TRAPPC8: variants seen among roughly 807,000 people sequenced by gnomAD.
The protein encoded by TRAPPC8 is trafficking protein particle complex subunit 8.
A neutral mutation model predicts 174.3 loss-of-function variants in TRAPPC8; 54 were observed. The ratio of observed to expected loss-of-function variants is 0.31; its 90% CI spans 0.25 to 0.39. TRAPPC8 has a LOEUF of 0.39. Ranked by LOEUF, TRAPPC8 falls within the 10% of genes least tolerant of loss-of-function variation. The pLI is 1.00. For synonymous variants in TRAPPC8, 630 were observed against 579.9 expected, an observed-to-expected ratio of 1.09 and a Z score of -1.24; for missense variants, 1,531 against 1,699.1, an observed-to-expected ratio of 0.90 and a Z score of 1.74.
intron 9 of TRAPPC8, among the ~76,000 whole-genome samples, chr18:31,906,264 G>A (rs1274326163): frequency 1.3e-5 from 2 of 149,484 alleles, no homozygotes; most frequent in African/African-American, 2.5e-5. Flanking sequence ...TCTTGAACCC[G>A]GGAGGTGGAG....
At chr18:31,898,702 T>G (rs557817836) in intron 10 of TRAPPC8, among the ~76,000 whole-genome samples, 115 of 152,370 alleles carry the variant, frequency 7.5e-4, no homozygotes, top group Non-Finnish European at 1.4e-3. Flanking sequence ...TTAGTTTTTT[T>G]TGTAAAAACA....
chr18:31,932,904 T>C (rs2037909301), intron 1 of TRAPPC8, among the ~76,000 whole-genome samples: 2 of 145,384 alleles, frequency 1.4e-5, no homozygotes, highest in Non-Finnish European at 3.0e-5. Context: ...ATCACTTGAA[T>C]GCGGAGGCTG....
At chr18:31,901,138 A>G (rs1383221548) in intron 9 of TRAPPC8, 113 bp from the exon 10 acceptor site, 1 of 816,112 alleles carries the variant, frequency 1.2e-6, no homozygotes, top group Admixed American at 3.3e-5. Flanking sequence ...CTGGATACAC[A>G]TGTATAAACT....
intron 2 of TRAPPC8, among the ~76,000 whole-genome samples, chr18:31,919,512 AAT>A (rs1362574408): frequency 9.9e-5 from 14 of 141,026 alleles, no homozygotes; most frequent in Non-Finnish European, 1.9e-4. Context: ...CAGCCTGGGC[AAT>A]AGAGTGAGAC....
chr18:31,831,513 T>C (rs576302254), intron 28 of TRAPPC8, among the ~76,000 whole-genome samples: 5 of 152,366 alleles, frequency 3.3e-5, no homozygotes, highest in Admixed American at 2.0e-4. Flanking sequence ...GATTATTTCA[T>C]TTAATGCCCT....
intron 9 of TRAPPC8, among the ~76,000 whole-genome samples, chr18:31,907,089 C>G (rs887239237): frequency 6.6e-6 from 1 of 152,126 alleles, no homozygotes; most frequent in African/African-American, 2.4e-5. Context: ...GAAAGAAACC[C>G]TAATACATGA....
intron 27 of TRAPPC8, among the ~76,000 whole-genome samples, chr18:31,834,089 GT>G (rs1555652338): frequency 1.3e-4 from 7 of 55,518 alleles, no homozygotes; most frequent in South Asian, 2.8e-3. Context: ...TCACATTTTG[GT>G]TGTTGTTGTT....
At chr18:31,901,789 T>C (rs988373449) in intron 9 of TRAPPC8, among the ~76,000 whole-genome samples, 5 of 152,210 alleles carry the variant, frequency 3.3e-5, no homozygotes, top group Non-Finnish European at 7.3e-5. Context: ...GAGCAGACAT[T>C]TGGATTTGTC....
rs139239174 is a variant in TRAPPC8 at position 31,830,938 on chromosome 18, C to T, written c.4125G>A (p.Gln1375=). ...CCTGGCTTTTAAGTTGAAGTTTATA[C>T]TGTGTTTGTCCAAGCCATGTGAATG... The part of the protein sequence containing the change: ...HGSFTWLGQT[Q]YKLQLKSQEI... Residue 1375 remains glutamine, a synonymous_variant, in exon 29 of 29, where the codon CAG becomes CAA. Transcript: ENST00000283351. The T allele has an allele frequency of 2.5e-6, 4 of 1,614,174 alleles. No individual in the cohort carries two copies. The highest frequency in any genetic ancestry group is 3.4e-6 in the Non-Finnish European group (4 of 1,180,038).
At chr18:31,877,413 C>T (rs993868344) in intron 12 of TRAPPC8, among the ~76,000 whole-genome samples, 2 of 150,410 alleles carry the variant, frequency 1.3e-5, no homozygotes, top group Non-Finnish European at 3.0e-5. Context: ...GAGATCGAGA[C>T]CATCCTGGCT....
In TRAPPC8 at chr18:31,925,971, C is replaced by T. The variant is rs533986867; in HGVS notation, c.352+5358G>A. On this transcript the variant is annotated intron_variant, in intron 2 of 28. Transcript: ENST00000283351. ...GGAAGCTACTAGAGATGTCCTTCAC[C>T]ATACTAAGGAAATACACACAAAATA... Among the ~76,000 whole-genome samples the T allele has an allele frequency of 4.6e-5, 7 of 152,216 alleles. No homozygotes were observed. The East Asian group carries it at 9.7e-4, about 21-fold the overall frequency.
chr18:31,904,368 G>A (rs767390186), intron 9 of TRAPPC8, among the ~76,000 whole-genome samples: 19 of 152,138 alleles, frequency 1.2e-4, no homozygotes, highest in Non-Finnish European at 2.2e-4. Context: ...TGACCAACAT[G>A]GAGAAACCCT....
intron 12 of TRAPPC8, among the ~76,000 whole-genome samples, chr18:31,881,312 A>T (rs879526863): frequency 6.6e-6 from 1 of 152,176 alleles, no homozygotes; most frequent in Non-Finnish European, 1.5e-5. Flanking sequence ...AATGGAATAG[A>T]ATACAGAACT....
Position 31,866,872 on chromosome 18 carries a change from C to A in TRAPPC8, c.2567G>T (p.Gly856Val), listed in dbSNP as rs373569841. 1.2e-6 allele frequency: 2 copies of A among 1,613,344 alleles called. No individual in the cohort carries two copies. Among genetic ancestry groups the A allele is most frequent in the African/African-American group, 2.7e-5 (2 of 74,878 alleles). Residue 856 changes from glycine to valine, a missense_variant, in exon 18 of 29, where the codon GGT becomes GTT. Physicochemically the swap from Gly to Val is moderately radical, Grantham distance 109. Transcript: ENST00000283351. ...IQGSMTVDGI[G>V]ALPGCHTGKY... ...ACCTGTGTGACATCCGGGAAGAGCA[C>A]CAATGCCATCTACTGTCATAGAGCC...
At chr18:31,847,699 A>G (rs1393463406) in intron 25 of TRAPPC8, among the ~76,000 whole-genome samples, 1 of 152,164 alleles carries the variant, frequency 6.6e-6, no homozygotes, top group Non-Finnish European at 1.5e-5. Flanking sequence ...AGGAGAAGTT[A>G]AACACCTGAT....
intron 5 of TRAPPC8, among the ~76,000 whole-genome samples, chr18:31,910,167 T>C (rs1275343387): frequency 6.6e-6 from 1 of 152,128 alleles, no homozygotes; most frequent in Non-Finnish European, 1.5e-5. Flanking sequence ...GATATGAAAT[T>C]CTTTGGGTCA....
Position 31,855,809 on chromosome 18 carries a change from T to C in TRAPPC8, c.3189-2A>G. 6.4e-7 allele frequency: 1 copy of C among 1,552,384 alleles called. No homozygotes were observed. Among genetic ancestry groups the C allele is most frequent in the South Asian group, 1.2e-5 (1 of 83,450 alleles). On this transcript the variant is annotated splice_acceptor_variant, in intron 20 of 28. Transcript: ENST00000283351. LOFTEE classifies it high-confidence loss of function. ...GCAGTGTGTCTTAATATTCTGTGCC[T>C]GAAGTTAAAAAAAAAAAAAAAAGCA...
intron 11 of TRAPPC8, among the ~76,000 whole-genome samples, chr18:31,896,571 T>C (rs2036192582): frequency 6.6e-6 from 1 of 152,040 alleles, no homozygotes; most frequent in African/African-American, 2.4e-5. Context: ...ATTTTATGGG[T>C]TTATTTATAT....
intron 12 of TRAPPC8, among the ~76,000 whole-genome samples, chr18:31,890,251 A>G (rs995627222): frequency 6.6e-6 from 1 of 152,214 alleles, no homozygotes; most frequent in Admixed American, 6.5e-5. Flanking sequence ...ACATCAGTAA[A>G]GATCCCAGCA....
Sources: gnomAD v4.1 joint callset for allele counts (sites outside exome capture counted in the v4.1 genomes callset) on GRCh38, gnomAD v4.1.1 for gene constraint, MANE v1.5 for transcripts, NCBI Gene and HGNC (gene_info 2026-07-23, HGNC 2026-07-21) for gene names.